The following RBFOX1 variants were observed in gnomAD, a reference collection of about 807,000 sequenced individuals.
RBFOX1 encodes RNA binding fox-1 homolog 1.
RBFOX1 carries 8 observed loss-of-function variants against 57.7 expected under a neutral mutation model. That is an observed-to-expected ratio of 0.14 (90% CI 0.08 to 0.25). The LOEUF (loss-of-function observed/expected upper bound fraction) is 0.25, where lower values mean the gene tolerates loss of function less well. RBFOX1 is among the 10% of genes least tolerant of loss of function. The probability of loss-of-function intolerance (pLI) is 1.00; values close to 1 mark genes in which losing one functional copy is unlikely to be tolerated. For missense variants in RBFOX1, 611 were observed against 548.5 expected, an observed-to-expected ratio of 1.11 and a Z score of -1.14; for synonymous variants, 326 against 222.4, an observed-to-expected ratio of 1.47 and a Z score of -4.15.
chr16:5,996,959 G>A (rs926880130), intron 4 of RBFOX1, among the ~76,000 whole-genome samples: 2 of 152,126 alleles, frequency 1.3e-5, no homozygotes, highest in African/African-American at 2.4e-5. Flanking sequence ...TGACGAGCAA[G>A]CACCTCCATC....
At chr16:7,565,667 A>G (rs2091498116) in intron 5 of RBFOX1, among the ~76,000 whole-genome samples, 1 of 152,180 alleles carries the variant, frequency 6.6e-6, no homozygotes, top group Non-Finnish European at 1.5e-5. Flanking sequence ...CTCACATAAT[A>G]TTGTCAACTT....
intron 14 of RBFOX1, among the ~76,000 whole-genome samples, chr16:7,696,710 G>A (rs74011846): frequency 0.025 from 3,773 of 152,166 alleles, 146 homozygotes; most frequent in African/African-American, 0.08. Context: ...TAATATATAT[G>A]CATAGTAAGT....
chr16:5,475,757 G>T (rs530693629), intron 2 of RBFOX1, among the ~76,000 whole-genome samples: 1 of 152,314 alleles, frequency 6.6e-6, no homozygotes, highest in East Asian at 1.9e-4. Flanking sequence ...CATATCTGAG[G>T]AAGTGGCAGA....
chr16:5,745,305 G>A (rs956229719), intron 3 of RBFOX1, among the ~76,000 whole-genome samples: 1 of 152,184 alleles, frequency 6.6e-6, no homozygotes, highest in Non-Finnish European at 1.5e-5. Context: ...GTATCCCATG[G>A]TGTATATGTG....
chr16:7,610,559 T>G (rs1196956387), intron 10 of RBFOX1, among the ~76,000 whole-genome samples: 2 of 152,168 alleles, frequency 1.3e-5, no homozygotes, highest in Non-Finnish European at 1.5e-5. Context: ...TCTGAGTATC[T>G]GTGTTTCATG....
At chr16:7,219,473 T>C (rs1182180145) in intron 4 of RBFOX1, among the ~76,000 whole-genome samples, 1 of 152,204 alleles carries the variant, frequency 6.6e-6, no homozygotes, top group Non-Finnish European at 1.5e-5. Flanking sequence ...TGTTCATTTA[T>C]AAATGCATCT....
chr16:6,017,017 A>C (rs1237071880), upstream of RBFOX1, among the ~76,000 whole-genome samples: 1 of 152,204 alleles, frequency 6.6e-6, no homozygotes, highest in Admixed American at 6.5e-5. Context: ...TAATCTATCT[A>C]AGCCTATTTC....
chr16:6,963,560 C>T (rs2083455586), intron 3 of RBFOX1, among the ~76,000 whole-genome samples: 1 of 152,086 alleles, frequency 6.6e-6, no homozygotes, highest in Non-Finnish European at 1.5e-5. Flanking sequence ...TACATTTTGG[C>T]TGTGTTCTGT....
chr16:7,304,982 ATAT>A (rs1555688871), intron 4 of RBFOX1, among the ~76,000 whole-genome samples: 11 of 145,690 alleles, frequency 7.6e-5, no homozygotes, highest in Non-Finnish European at 1.6e-4. Context: ...GTGTGGTGCT[ATAT>A]TCGGTCCGCA....
chr16:6,982,566 G>A (rs1204605061), intron 3 of RBFOX1, among the ~76,000 whole-genome samples: 1 of 152,188 alleles, frequency 6.6e-6, no homozygotes, highest in Non-Finnish European at 1.5e-5. Flanking sequence ...CCTGTTAGTA[G>A]TTCCAAATCA....
chr16:5,454,740 T>A (rs2068527086), intron 1 of RBFOX1, among the ~76,000 whole-genome samples: 1 of 124,382 alleles, frequency 8.0e-6, no homozygotes, highest in Non-Finnish European at 1.6e-5. Flanking sequence ...TCTTTCTTTC[T>A]TTCTTTTTCT....
At chr16:7,341,250 A>G (rs966546173) in intron 4 of RBFOX1, among the ~76,000 whole-genome samples, 5 of 152,182 alleles carry the variant, frequency 3.3e-5, no homozygotes, top group Non-Finnish European at 1.5e-5. Context: ...AATACTCTGA[A>G]GGTCTTTTCC....
At chr16:7,679,496 C>T (rs1266691088) in intron 14 of RBFOX1, among the ~76,000 whole-genome samples, 1 of 152,152 alleles carries the variant, frequency 6.6e-6, no homozygotes, top group Non-Finnish European at 1.5e-5. Context: ...CACTGGTTGT[C>T]AGTTGATCAA....
At chr16:6,220,893 A>G (rs2097368847) in intron 1 of RBFOX1, among the ~76,000 whole-genome samples, 1 of 152,098 alleles carries the variant, frequency 6.6e-6, no homozygotes, top group African/African-American at 2.4e-5. Flanking sequence ...ATATGAACCA[A>G]GTAATCTAGT....
At chr16:5,362,771 A>G (rs1448213016) in intron 1 of RBFOX1, among the ~76,000 whole-genome samples, 3 of 152,164 alleles carry the variant, frequency 2.0e-5, no homozygotes, top group East Asian at 1.9e-4. Flanking sequence ...TTAGAGAGTC[A>G]TCCTGTAAGT....
intron 4 of RBFOX1, among the ~76,000 whole-genome samples, chr16:7,206,138 TTG>T (rs1567702326): frequency 1.3e-5 from 2 of 152,182 alleles, no homozygotes; most frequent in East Asian, 3.9e-4. Flanking sequence ...AAACATAATC[TTG>T]TACACACAGT....
intron 5 of RBFOX1, among the ~76,000 whole-genome samples, chr16:7,567,269 A>ATATATATATCGC (rs1567864944): frequency 1.5e-5 from 1 of 67,788 alleles, no homozygotes; most frequent in South Asian, 3.5e-4. Flanking sequence ...ATATATCCCT[A>ATATATATATCGC]TATATATATC....
At chr16:7,240,632 G>A (rs994505425) in intron 4 of RBFOX1, among the ~76,000 whole-genome samples, 2 of 152,050 alleles carry the variant, frequency 1.3e-5, no homozygotes, top group South Asian at 2.1e-4. Flanking sequence ...ACAGCTCACT[G>A]CAGCCTTGAC....
chr16:5,841,425 C>T (rs536463825), intron 3 of RBFOX1, among the ~76,000 whole-genome samples: 130 of 152,218 alleles, frequency 8.5e-4, no homozygotes, highest in Admixed American at 6.5e-4. Flanking sequence ...ATCTTCTTCC[C>T]GAGAGCAAGG....
Sources: gnomAD v4.1 joint callset for allele counts (sites outside exome capture counted in the v4.1 genomes callset) on GRCh38, gnomAD v4.1.1 for gene constraint, MANE v1.5 for transcripts, NCBI Gene and HGNC (gene_info 2026-07-23, HGNC 2026-07-21) for gene names.